The following PPARG variants were observed in gnomAD, a reference collection of about 807,000 sequenced individuals.
PPARG encodes the protein peroxisome proliferator-activated receptor gamma.
Under a neutral mutation model 39.2 loss-of-function variants are expected in PPARG, and 17 were observed. The ratio of observed to expected loss-of-function variants is 0.43; its 90% CI spans 0.30 to 0.65. PPARG has a LOEUF of 0.65. Among genes scored for constraint, PPARG ranks in the 30% least tolerant of loss-of-function variants. PPARG has a pLI of 0.13. For missense variants in PPARG, 406 were observed against 585.9 expected (o/e 0.69, Z 3.17); for synonymous variants, 223 against 215.7 (o/e 1.03, Z -0.30).
intron 5 of PPARG, among the ~76,000 whole-genome samples, chr3:12,402,906 T>C (rs2050526594): frequency 6.6e-6 from 1 of 152,176 alleles, no homozygotes; most frequent in East Asian, 1.9e-4. Flanking sequence ...TAAAATGGCA[T>C]AGTATTTGCA....
At chr3:12,311,540 A>G (rs2047244538) in intron 1 of PPARG, among the ~76,000 whole-genome samples, 1 of 152,242 alleles carries the variant, frequency 6.6e-6, no homozygotes. Flanking sequence ...TTAAGTAATA[A>G]AATAGCTTTT....
intron 1 of PPARG, among the ~76,000 whole-genome samples, chr3:12,303,555 T>C (rs887707953): frequency 1.3e-5 from 2 of 152,178 alleles, no homozygotes; most frequent in Admixed American, 6.5e-5. Flanking sequence ...TGCTAGACAC[T>C]GGGACCAGAG....
intron 7 of PPARG, among the ~76,000 whole-genome samples, chr3:12,427,949 C>T (rs990003839): frequency 6.6e-6 from 1 of 152,152 alleles, no homozygotes; most frequent in Non-Finnish European, 1.5e-5. Context: ...TAGGGACAGT[C>T]GGTTTCAGAT....
At chr3:12,303,885 G>A (rs1308826998) in intron 1 of PPARG, among the ~76,000 whole-genome samples, 2 of 152,182 alleles carry the variant, frequency 1.3e-5, no homozygotes, top group Non-Finnish European at 2.9e-5. Flanking sequence ...TGTGAACTTA[G>A]TAGAACATAT....
At chr3:12,381,643 T>C in intron 4 of PPARG, 152 bp downstream of exon 4, 1 of 755,852 alleles carries the variant, frequency 1.3e-6, no homozygotes, top group Non-Finnish European at 2.2e-6. Flanking sequence ...AGTGGTGCTA[T>C]CCTAGCACAC....
chr3:12,428,807 T>C (rs753040212), intron 7 of PPARG, among the ~76,000 whole-genome samples: 22 of 152,262 alleles, frequency 1.4e-4, no homozygotes, highest in Non-Finnish European at 3.1e-4. Context: ...TCAGGTGTTC[T>C]AAGTTTAATG....
At chr3:12,395,855 A>G (rs1485009340) in intron 5 of PPARG, among the ~76,000 whole-genome samples, 1 of 152,170 alleles carries the variant, frequency 6.6e-6, no homozygotes. Flanking sequence ...CTCAAAATGA[A>G]AATGAAGCAG....
chr3:12,408,543 G>A (rs1323457956), intron 6 of PPARG, among the ~76,000 whole-genome samples: 2 of 148,070 alleles, frequency 1.4e-5, no homozygotes, highest in Non-Finnish European at 3.0e-5. Context: ...TACAGTTTTG[G>A]TTAGTTTTCT....
At chr3:12,297,682 G>C (rs948012020) in intron 1 of PPARG, among the ~76,000 whole-genome samples, 1 of 152,104 alleles carries the variant, frequency 6.6e-6, no homozygotes, top group Non-Finnish European at 1.5e-5. Context: ...TCAGCCATAC[G>C]TAAGGTTTAA....
intron 5 of PPARG, among the ~76,000 whole-genome samples, chr3:12,402,715 T>C (rs1167497799): frequency 6.6e-6 from 1 of 152,094 alleles, no homozygotes; most frequent in African/African-American, 2.4e-5. Flanking sequence ...GGAAGACATA[T>C]AATGTCAGAA....
intron 2 of PPARG, chr3:12,327,973 G>A (rs1231536039): frequency 3.9e-6 from 3 of 771,404 alleles, no homozygotes; most frequent in Non-Finnish European, 4.6e-6. Context: ...GGAATAAATA[G>A]TATTAAATTC....
chr3:12,386,050 A>G (rs2049857155), intron 4 of PPARG, among the ~76,000 whole-genome samples: 2 of 152,222 alleles, frequency 1.3e-5, no homozygotes, highest in Admixed American at 1.3e-4. Flanking sequence ...TGACTGATGC[A>G]TCTCTAACAC....
chr3:12,393,588 T>C (rs1384808016), intron 5 of PPARG, among the ~76,000 whole-genome samples: 1 of 152,182 alleles, frequency 6.6e-6, no homozygotes, highest in African/African-American at 2.4e-5. Flanking sequence ...TATATGTGTC[T>C]AGTATTAATC....
chr3:12,360,461 C>G lies in PPARG; in HGVS notation c.-8-19243C>G, dbSNP rs148294552. 5.5e-3 allele frequency among the ~76,000 whole-genome samples: 837 copies of G among 151,956 alleles called. 6 individuals are homozygous for G. Among genetic ancestry groups the G allele is most frequent in the African/African-American group, 0.019 (778 of 41,470 alleles). On this transcript the variant is annotated intron_variant, in intron 2 of 7. Coordinates refer to ENST00000651735, the MANE Select transcript of PPARG (RefSeq NM_138711.6). Reference sequence around the variant, plus strand: ...TTCTGTCATCCCCCACTCCTAGGACCCATATGGAACATTCTCTCTTAATTA... The same window carrying G: ...TTCTGTCATCCCCCACTCCTAGGACGCATATGGAACATTCTCTCTTAATTA...
chr3:12,298,558 A>G (rs1321940105), intron 1 of PPARG, among the ~76,000 whole-genome samples: 1 of 151,798 alleles, frequency 6.6e-6, no homozygotes. Flanking sequence ...TTTCTTTGGG[A>G]CTTCTTTTGT....
At chr3:12,343,970 C>T (rs2921186) in intron 2 of PPARG, among the ~76,000 whole-genome samples, 16,048 of 148,986 alleles carry the variant, frequency 0.11, 1,167 homozygotes, top group Middle Eastern at 0.18. Context: ...AAGTACTTAT[C>T]GTGCCTCAGC....
Position 12,434,084 on chromosome 3 carries a change from A to G in PPARG, c.1367A>G (p.Lys456Arg). The part of the protein sequence containing the change: ...EHVQLLQVIK[K>R]TETDMSLHPL... ...GTGCAGCTACTGCAGGTGATCAAGA[A>G]GACGGAGACAGACATGAGTCTTCAC... Residue 456 changes from lysine to arginine, a missense_variant, in exon 8 of 8, where the codon AAG (lysine) becomes AGG (arginine). Transcript: ENST00000651735. The surrounding 1 kb of genome is among the most constrained non-coding windows in gnomAD (Gnocchi z 4.2). 6.2e-7 allele frequency: 1 copy of G among 1,614,208 alleles called. No individual in the cohort carries two copies. The highest frequency in any genetic ancestry group is 8.5e-7 in the Non-Finnish European group (1 of 1,180,022).
chr3:12,341,590 T>C (rs1392695327), intron 2 of PPARG, among the ~76,000 whole-genome samples: 1 of 152,168 alleles, frequency 6.6e-6, no homozygotes, highest in Non-Finnish European at 1.5e-5. Context: ...GACAGATCAC[T>C]TGATCCCAGA....
chr3:12,433,019 C>T (rs1247141325), intron 7 of PPARG, among the ~76,000 whole-genome samples: 2 of 152,218 alleles, frequency 1.3e-5, no homozygotes, highest in Non-Finnish European at 2.9e-5. Flanking sequence ...TGCTTGCAAT[C>T]TTACCACTGA....
Sources: allele counts gnomAD v4.1 joint callset (sites outside exome capture counted in the v4.1 genomes callset), GRCh38; gene constraint gnomAD v4.1.1; non-coding constraint Gnocchi (gnomAD v3.1); transcripts MANE v1.5; gene names NCBI Gene and HGNC (gene_info 2026-07-23, HGNC 2026-07-21).